Variants in HDAC9 observed in about 807,000 individuals in gnomAD.
HDAC9 encodes the protein MEF-2 interacting transcription repressor (MITR) protein.
In HDAC9, 41 loss-of-function variants were observed where a neutral mutation model predicts 139.4. That is an observed-to-expected ratio of 0.29 (90% CI 0.23 to 0.38). The LOEUF (loss-of-function observed/expected upper bound fraction) is 0.38, where lower values mean the gene tolerates loss of function less well. Among genes scored for constraint, HDAC9 ranks in the 10% least tolerant of loss-of-function variants. The pLI is 1.00. For missense variants in HDAC9, 1,147 were observed against 1,297.0 expected, an observed-to-expected ratio of 0.88 and a Z score of 1.78; for synonymous variants, 517 against 476.2, an observed-to-expected ratio of 1.09 and a Z score of -1.12.
intron 22 of HDAC9, among the ~76,000 whole-genome samples, chr7:18,913,604 T>G (rs903764400): frequency 6.6e-5 from 10 of 152,122 alleles, no homozygotes; most frequent in African/African-American, 2.2e-4. Flanking sequence ...GCAGCCTTCC[T>G]AATTAATATT....
intron 23 of HDAC9, among the ~76,000 whole-genome samples, chr7:18,951,776 A>C (rs1355106702): frequency 6.6e-6 from 1 of 151,830 alleles, no homozygotes; most frequent in Non-Finnish European, 1.5e-5. Flanking sequence ...TTAGTTATTA[A>C]ATTATGAATA....
At chr7:18,877,018 G>T (rs10486315) in intron 22 of HDAC9, among the ~76,000 whole-genome samples, 2 of 151,914 alleles carry the variant, frequency 1.3e-5, no homozygotes, top group African/African-American at 4.8e-5. Context: ...AGAGAATTTC[G>T]ATGCACACTA....
At chr7:18,324,299 G>C (rs1000249555) in intron 1 of HDAC9, among the ~76,000 whole-genome samples, 6 of 152,112 alleles carry the variant, frequency 3.9e-5, no homozygotes, top group Non-Finnish European at 7.4e-5. Context: ...ATGCTGATGT[G>C]ATTATAGAAG....
At chr7:18,438,233 A>G (rs1344073768) in intron 1 of HDAC9, among the ~76,000 whole-genome samples, 2 of 152,124 alleles carry the variant, frequency 1.3e-5, no homozygotes, top group Non-Finnish European at 2.9e-5. Context: ...CATATGACAT[A>G]TGCTTAAGTT....
chr7:18,360,842 A>G (rs894038773), intron 1 of HDAC9, among the ~76,000 whole-genome samples: 4 of 152,224 alleles, frequency 2.6e-5, no homozygotes, highest in Non-Finnish European at 4.4e-5. Context: ...TTTATACATA[A>G]TAGTTGAATG....
chr7:18,184,983 G>T (rs1271777495), intron 2 of HDAC9, among the ~76,000 whole-genome samples: 1 of 152,158 alleles, frequency 6.6e-6, no homozygotes, highest in Non-Finnish European at 1.5e-5. Flanking sequence ...TATGTAAAAT[G>T]TGGTCTGCCT....
At chr7:18,704,277 A>G (rs1783718964) in intron 12 of HDAC9, among the ~76,000 whole-genome samples, 1 of 152,116 alleles carries the variant, frequency 6.6e-6, no homozygotes, top group African/African-American at 2.4e-5. Context: ...TTGCTTACAC[A>G]CTTCTTCCTC....
intron 2 of HDAC9, among the ~76,000 whole-genome samples, chr7:18,170,319 TC>T (rs1204631491): frequency 6.6e-6 from 1 of 152,226 alleles, no homozygotes; most frequent in Non-Finnish European, 1.5e-5. Context: ...TTGTTTTTTT[TC>T]TTGTAAATGT....
intron 6 of HDAC9, among the ~76,000 whole-genome samples, chr7:18,626,508 A>C (rs991776241): frequency 2.0e-5 from 3 of 152,200 alleles, no homozygotes; most frequent in Non-Finnish European, 4.4e-5. Context: ...TTAATGATAT[A>C]AAGTAATTCA....
intron 2 of HDAC9, among the ~76,000 whole-genome samples, chr7:18,550,322 T>C (rs1210865496): frequency 6.6e-6 from 1 of 152,216 alleles, no homozygotes; most frequent in Non-Finnish European, 1.5e-5. Flanking sequence ...TTCTATGTTA[T>C]GATTTCCCAA....
chr7:18,718,992 G>A (rs1462428044), intron 12 of HDAC9, among the ~76,000 whole-genome samples: 1 of 152,008 alleles, frequency 6.6e-6, no homozygotes, highest in Non-Finnish European at 1.5e-5. Context: ...AAATTGTTGG[G>A]GTTTTGATTT....
chr7:18,269,151 C>T (rs1796190220), intron 2 of HDAC9, among the ~76,000 whole-genome samples: 1 of 152,042 alleles, frequency 6.6e-6, no homozygotes, highest in South Asian at 2.1e-4. Context: ...GGGCTTATAG[C>T]AAATTCATGA....
At chr7:18,316,585 C>T (rs1799656147) in intron 1 of HDAC9, among the ~76,000 whole-genome samples, 1 of 140,024 alleles carries the variant, frequency 7.1e-6, no homozygotes, top group Non-Finnish European at 1.5e-5. Context: ...TTGCTTGAGC[C>T]CAGGAGTCTG....
intron 1 of HDAC9, among the ~76,000 whole-genome samples, chr7:18,343,157 G>C (rs1782143574): frequency 6.6e-6 from 1 of 151,680 alleles, no homozygotes; most frequent in Non-Finnish European, 1.5e-5. Context: ...TAAAAGTTGG[G>C]CTGTTAAACC....
At chr7:18,398,642 G>A (rs1787269954) in intron 1 of HDAC9, among the ~76,000 whole-genome samples, 1 of 151,990 alleles carries the variant, frequency 6.6e-6, no homozygotes, top group Non-Finnish European at 1.5e-5. Context: ...TTAGCCCATT[G>A]AATTCTTTAA....
chr7:18,776,784 A>G (rs75674253), intron 16 of HDAC9, among the ~76,000 whole-genome samples: 5,272 of 151,968 alleles, frequency 0.035, 113 homozygotes, highest in South Asian at 0.051. Context: ...ACAGAGAATA[A>G]TAAGATCCAT....
At chr7:18,567,084 C>T (rs1822591420) in intron 2 of HDAC9, among the ~76,000 whole-genome samples, 2 of 152,164 alleles carry the variant, frequency 1.3e-5, no homozygotes, top group African/African-American at 4.8e-5. Flanking sequence ...AGTGCCAGCC[C>T]CACCTGCTCT....
Position 18,641,935 on chromosome 7 carries a change from G to A in HDAC9, c.913-2736G>A, listed in dbSNP as rs553572381. The stretch of plus-strand genomic sequence containing the variant: ...AAACGTGGAACAGATAGACTGCTCC[G>A]ATCAAAAAGCATAGTTGAGGAAAGC... On this transcript the variant is annotated intron_variant, in intron 8 of 25. Transcript: ENST00000686413. Among the ~76,000 whole-genome samples the A allele has an allele frequency of 9.9e-5, 15 of 152,090 alleles. 1 individual carries two copies. The South Asian group carries it at 1.9e-3, about 19-fold the overall frequency.
chr7:18,236,642 A>G (rs1253204589), intron 2 of HDAC9, among the ~76,000 whole-genome samples: 2 of 152,148 alleles, frequency 1.3e-5, no homozygotes, highest in African/African-American at 4.8e-5. Flanking sequence ...TTTGTCCTGG[A>G]ATGAACCAAA....
Sources: gnomAD v4.1 joint callset for allele counts (sites outside exome capture counted in the v4.1 genomes callset) on GRCh38, gnomAD v4.1.1 for gene constraint, MANE v1.5 for transcripts, NCBI Gene and HGNC (gene_info 2026-07-23, HGNC 2026-07-21) for gene names.